Variants in ARHGAP22 observed in about 807,000 individuals in gnomAD.
ARHGAP22 encodes Rho GTPase activating protein 22.
A neutral mutation model predicts 59.1 loss-of-function variants in ARHGAP22; 48 were observed. The ratio of observed to expected loss-of-function variants is 0.81; its 90% CI spans 0.64 to 1.03. The LOEUF is 1.03. Ranked by LOEUF, ARHGAP22 falls within the 50% of genes least tolerant of loss-of-function variation. ARHGAP22 has a pLI of 0.00. For synonymous variants in ARHGAP22, 445 were observed against 416.4 expected, an observed-to-expected ratio of 1.07 and a Z score of -0.84; for missense variants, 1,015 against 958.7, an observed-to-expected ratio of 1.06 and a Z score of -0.78.
At chr10:48,496,223 A>G (rs1260047574) in intron 3 of ARHGAP22, among the ~76,000 whole-genome samples, 4 of 152,188 alleles carry the variant, frequency 2.6e-5, no homozygotes, top group African/African-American at 9.7e-5. Flanking sequence ...AAGCACAACC[A>G]TCCCCCTTAT....
intron 3 of ARHGAP22, among the ~76,000 whole-genome samples, chr10:48,503,844 C>T (rs1322435721): frequency 6.6e-6 from 1 of 152,266 alleles, no homozygotes; most frequent in Admixed American, 6.5e-5. Context: ...AACACATCAA[C>T]ATTTGCTAAA....
intron 8 of ARHGAP22, among the ~76,000 whole-genome samples, chr10:48,451,844 C>T (rs754216827): frequency 1.3e-5 from 2 of 151,694 alleles, no homozygotes; most frequent in African/African-American, 4.9e-5. Flanking sequence ...GCACTCTACC[C>T]AGTTTCCCCA....
At chr10:48,546,295 C>T (rs1342217446) in intron 3 of ARHGAP22, among the ~76,000 whole-genome samples, 1 of 152,218 alleles carries the variant, frequency 6.6e-6, no homozygotes, top group South Asian at 2.1e-4. Context: ...TTGTAAGCCC[C>T]TCAGTTGGTC....
chr10:48,526,651 G>C (rs923436970), intron 3 of ARHGAP22, among the ~76,000 whole-genome samples: 5 of 152,230 alleles, frequency 3.3e-5, no homozygotes, highest in Admixed American at 3.3e-4. Flanking sequence ...CAACGGCCAA[G>C]TCCTACATTT....
At chr10:48,654,713 A>G (rs950300900), upstream of ARHGAP22, among the ~76,000 whole-genome samples, 1 of 152,034 alleles carries the variant, frequency 6.6e-6, no homozygotes, top group African/African-American at 2.4e-5. Flanking sequence ...GAGGAGAGAG[A>G]GGGAGAGAGA....
chr10:48,561,370 T>C (rs2057676669), intron 2 of ARHGAP22, among the ~76,000 whole-genome samples: 4 of 152,168 alleles, frequency 2.6e-5, no homozygotes, highest in African/African-American at 7.2e-5. Flanking sequence ...ATGAATGATA[T>C]ACCTAAACAC....
At chr10:48,496,245 T>C (rs921753593) in intron 3 of ARHGAP22, among the ~76,000 whole-genome samples, 1 of 152,186 alleles carries the variant, frequency 6.6e-6, no homozygotes, top group Admixed American at 6.5e-5. Context: ...GTCGGTTGTC[T>C]TCAGAGGCCT....
chr10:48,508,646 T>G (rs1469392183), intron 3 of ARHGAP22, among the ~76,000 whole-genome samples: 4 of 152,200 alleles, frequency 2.6e-5, no homozygotes, highest in African/African-American at 9.7e-5. Context: ...ATGGGCCCAC[T>G]GCCAGGAGCT....
intron 1 of ARHGAP22, among the ~76,000 whole-genome samples, chr10:48,650,462 A>G (rs2062515403): frequency 6.6e-6 from 1 of 152,200 alleles, no homozygotes; most frequent in South Asian, 2.1e-4. Flanking sequence ...GTACAAGGTG[A>G]TGGAAAAATT....
rs758122847 is a variant in ARHGAP22, at chr10:48,446,471, A to G, written c.2017T>C (p.Leu673=). The G allele has an allele frequency of 6.2e-7, 1 of 1,614,188 alleles. No homozygotes were observed. Among genetic ancestry groups the G allele is most frequent in the Admixed American group, 1.7e-5 (1 of 60,022 alleles). Residue 673 remains leucine (L), a synonymous_variant, in exon 10 of 10, where the codon TTG becomes CTG. Coordinates refer to ENST00000249601, the MANE Select transcript of ARHGAP22 (RefSeq NM_021226.4). ...AAAAACTCCTCCATTTCCCTCTGCA[A>G]CAGCTGGTTCCTCCTCTCCGCATCC... is the stretch of plus-strand genomic sequence containing the variant. ...REDAERRNQL[L]QREMEEFFST...
intron 1 of ARHGAP22, among the ~76,000 whole-genome samples, chr10:48,637,198 A>T (rs1309617747): frequency 6.6e-6 from 1 of 152,230 alleles, no homozygotes; most frequent in Non-Finnish European, 1.5e-5. Context: ...AGATGGAGAC[A>T]GGCTCCAACT....
chr10:48,607,789 T>A (rs1252473395), upstream of ARHGAP22, among the ~76,000 whole-genome samples: 3 of 152,232 alleles, frequency 2.0e-5, no homozygotes. Flanking sequence ...GTCCTAGGTC[T>A]GCCTTCACCT....
At chr10:48,552,651 C>T (rs2056991488) in intron 3 of ARHGAP22, among the ~76,000 whole-genome samples, 1 of 152,226 alleles carries the variant, frequency 6.6e-6, no homozygotes, top group African/African-American at 2.4e-5. Context: ...GAAAATGTCC[C>T]CAGACTCCCT....
At chr10:48,531,670 GAA>G (rs2134956035) in intron 3 of ARHGAP22, among the ~76,000 whole-genome samples, 1 of 4,358 alleles carries the variant, frequency 2.3e-4, no homozygotes, top group South Asian at 4.2e-3. Flanking sequence ...GAAGTACAGA[GAA>G]GTGAGGGCAC....
chr10:48,593,631 G>T (rs2059897431), intron 1 of ARHGAP22, among the ~76,000 whole-genome samples: 1 of 152,214 alleles, frequency 6.6e-6, no homozygotes, highest in Non-Finnish European at 1.5e-5. Context: ...GTGTGAAGAT[G>T]CTGGACAAAG....
chr10:48,561,608 C>T (rs1443893729), intron 2 of ARHGAP22, among the ~76,000 whole-genome samples: 1 of 151,832 alleles, frequency 6.6e-6, no homozygotes, highest in Non-Finnish European at 1.5e-5. Flanking sequence ...GACTTGTACC[C>T]AAAATATATA....
At position 48,457,592 on chromosome 10, in the gene ARHGAP22, G is replaced by A. The variant is rs548553226; in HGVS notation, c.659+2092C>T. On this transcript the variant is annotated intron_variant, in intron 5 of 9. Transcript: ENST00000249601. ...AGCCCTAGGCTCCGGCCCACAGGAGGCTGTCCTCAGAGCTCAGCAGCAGGG... is the reference window on the plus strand; with the variant it reads ...AGCCCTAGGCTCCGGCCCACAGGAGACTGTCCTCAGAGCTCAGCAGCAGGG... 2.6e-5 allele frequency among the ~76,000 whole-genome samples: 4 copies of A among 152,308 alleles called. No individual in the cohort carries two copies. In the South Asian group the frequency reaches 8.3e-4, roughly 32 times the overall value.
chr10:48,473,109 GATGA>G (rs923842372), intron 4 of ARHGAP22, among the ~76,000 whole-genome samples: 5 of 152,160 alleles, frequency 3.3e-5, no homozygotes, highest in African/African-American at 9.7e-5. Flanking sequence ...TCCATCAATG[GATGA>G]ATGGATAAAC....
intron 1 of ARHGAP22, among the ~76,000 whole-genome samples, chr10:48,650,274 TG>T (rs1565061562): frequency 6.7e-6 from 1 of 148,620 alleles, no homozygotes; most frequent in Non-Finnish European, 1.5e-5. Flanking sequence ...AAGGAATGAA[TG>T]TGGATGAAAC....
Sources: gnomAD v4.1 joint callset for allele counts (sites outside exome capture counted in the v4.1 genomes callset) on GRCh38, gnomAD v4.1.1 for gene constraint, MANE v1.5 for transcripts, NCBI Gene and HGNC (gene_info 2026-07-23, HGNC 2026-07-21) for gene names.